PCDHGA1: variants seen among roughly 807,000 people sequenced by gnomAD.
PCDHGA1 encodes protocadherin gamma-A1.
PCDHGA1 carries 32 observed loss-of-function variants against 58.0 expected under a neutral mutation model. The observed-to-expected ratio is 0.55, with a 90% CI of 0.42 to 0.74. The LOEUF (loss-of-function observed/expected upper bound fraction) is 0.74, where lower values mean the gene tolerates loss of function less well. Among genes scored for constraint, PCDHGA1 ranks in the 30% least tolerant of loss-of-function variants. The probability of loss-of-function intolerance (pLI) is 0.00; values close to 1 mark genes in which losing one functional copy is unlikely to be tolerated. For missense variants in PCDHGA1, 1,205 were observed against 1,182.3 expected (o/e 1.02, Z -0.28); for synonymous variants, 498 against 501.1 (o/e 0.99, Z 0.08).
chr5:141,493,560 C>T lies in PCDHGA1; in HGVS notation c.2422-1247C>T, dbSNP rs1222578153. ...TTATCCTTTTGGAGATTGAGTTCCCCCAGCTCCGTTTCCTCCTATCACAAT... is the reference window on the plus strand; with the variant it reads ...TTATCCTTTTGGAGATTGAGTTCCCTCAGCTCCGTTTCCTCCTATCACAAT... On this transcript the variant is annotated intron_variant, in intron 1 of 3. Transcript: ENST00000517417. The surrounding 1 kb of genome is among the most constrained non-coding windows in gnomAD (Gnocchi z 4.3). Among the ~76,000 whole-genome samples, 4 of 152,162 alleles carry T rather than the reference C, an allele frequency of 2.6e-5. No individual in the cohort carries two copies. The highest frequency in any genetic ancestry group is 2.1e-4 in the South Asian group (1 of 4,830).
intron 1 of PCDHGA1, chr5:141,339,267 G>T: frequency 6.2e-7 from 1 of 1,614,258 alleles, no homozygotes. Context: ...TGCGCTCAGA[G>T]CGCACCCTGT....
intron 1 of PCDHGA1, chr5:141,414,379 A>G (rs2095740987): frequency 1.2e-6 from 2 of 1,613,912 alleles, no homozygotes; most frequent in African/African-American, 1.3e-5. Context: ...AGAAAAGTCC[A>G]TTGACAGTTA....
chr5:141,332,334 A>C lies in PCDHGA1; in HGVS notation c.1650A>C (p.Leu550=), dbSNP rs746570276. Residue 550 remains leucine, a synonymous_variant, in exon 1 of 4, where the codon CTA becomes CTC. Coordinates refer to ENST00000517417, the MANE Select transcript of PCDHGA1 (RefSeq NM_018912.3). This position sits in a 1 kb window ranked among gnomAD's most constrained non-coding sequence, Gnocchi z 4.6. ...TCAGCAGCAACGTGTCTCTCAGCCT[A>C]TTCCTGCTGGACCAGAACGACAACG... ...PPLSSNVSLS[L]FLLDQNDNAP... 7.4e-6 allele frequency: 12 copies of C among 1,614,134 alleles called. No individual in the cohort carries two copies. Among genetic ancestry groups the C allele is most frequent in the Non-Finnish European group, 1.0e-5 (12 of 1,180,032 alleles).
At chr5:141,389,281 G>T in intron 1 of PCDHGA1, 2 of 1,614,012 alleles carry the variant, frequency 1.2e-6, no homozygotes, top group Non-Finnish European at 1.7e-6. Context: ...AACCCGCCTG[G>T]AGCCTCTATT....
At chr5:141,428,105 G>T in intron 1 of PCDHGA1, 4 of 1,608,184 alleles carry the variant, frequency 2.5e-6, no homozygotes, top group Non-Finnish European at 2.5e-6. Context: ...ACCACGTGCT[G>T]CAGGCCATCG....
chr5:141,338,923 C>A, intron 1 of PCDHGA1: 2 of 1,513,342 alleles, frequency 1.3e-6, no homozygotes, highest in Non-Finnish European at 1.8e-6. Flanking sequence ...GATTGGAATC[C>A]GCACTGGATG....
Position 141,332,907 on chromosome 5 carries a change from G to C in PCDHGA1, c.2223G>C (p.Val741=), listed in dbSNP as rs760420453. 13 of 1,614,210 alleles carry C rather than the reference G, an allele frequency of 8.1e-6. No homozygotes were observed. The South Asian group carries it at 1.3e-4, about 16-fold the overall frequency. ...GLASMPGSHF[V]GVDGVRAFLQ... ...CGAGCATGCCCGGTTCGCACTTTGT[G>C]GGCGTGGACGGGGTTCGGGCTTTCC... Residue 741 remains valine (V), a synonymous_variant, in exon 1 of 4, where the codon GTG becomes GTC. Coordinates refer to ENST00000517417, the MANE Select transcript of PCDHGA1 (RefSeq NM_018912.3). This position sits in a 1 kb window ranked among gnomAD's most constrained non-coding sequence, Gnocchi z 4.6.
intron 1 of PCDHGA1, chr5:141,374,195 G>T (rs1770254935): frequency 1.2e-6 from 2 of 1,613,752 alleles, no homozygotes; most frequent in East Asian, 2.2e-5. Context: ...TATTCCCGAG[G>T]AGCTGGAGAA....
intron 1 of PCDHGA1, chr5:141,408,952 T>C (rs531696982): frequency 6.2e-7 from 1 of 1,613,544 alleles, no homozygotes; most frequent in African/African-American, 1.3e-5. Context: ...ATAGAATTAG[T>C]CTTAGTGAAA....
intron 1 of PCDHGA1, chr5:141,427,447 T>A (rs556527924): frequency 1.9e-4 from 92 of 483,324 alleles, no homozygotes; most frequent in African/African-American, 1.4e-3. Context: ...AACGAAAGAG[T>A]TCCTTTTAGA....
intron 1 of PCDHGA1, among the ~76,000 whole-genome samples, chr5:141,463,642 G>A (rs573143516): frequency 6.6e-6 from 1 of 151,750 alleles, no homozygotes; most frequent in South Asian, 2.1e-4. Context: ...TAGTAGAGAC[G>A]GGGTTTCACC....
Position 141,408,151 on chromosome 5 carries a change from T to G in PCDHGA1, c.2421+75046T>G, listed in dbSNP as rs2154539780. ...CGAATGCTCTTTTAGCGCGGTAGAG[T>G]GCACTTTCTCCAACTGGAAAAGCGG... On this transcript the variant is annotated intron_variant, in intron 1 of 3. Transcript: ENST00000517417. 3.3e-6 allele frequency: 5 copies of G among 1,506,938 alleles called. No individual in the cohort carries two copies. In the East Asian group the frequency reaches 1.2e-4, roughly 37 times the overall value. 93.3% of individuals were successfully genotyped at this position (1,506,938 alleles called of 1,614,324 possible). A position where few individuals can be genotyped will look rare whatever the true frequency, so the allele number is the denominator to read the frequency against.
chr5:141,341,726 T>G (rs998013835), intron 1 of PCDHGA1: 5 of 461,022 alleles, frequency 1.1e-5, no homozygotes, highest in Non-Finnish European at 1.9e-5. Context: ...GATCAACAAT[T>G]TTTTCTTTGT....
intron 1 of PCDHGA1, among the ~76,000 whole-genome samples, chr5:141,373,589 GTGA>G (rs1348028052): frequency 6.6e-6 from 1 of 152,242 alleles, no homozygotes; most frequent in Non-Finnish European, 1.5e-5. Flanking sequence ...GTGGTGAAAT[GTGA>G]TGATAATTCA....
chr5:141,383,193 G>A, intron 1 of PCDHGA1: 2 of 1,614,066 alleles, frequency 1.2e-6, no homozygotes, highest in Non-Finnish European at 1.7e-6. Flanking sequence ...TCTGCGCTCA[G>A]AGTGCGCGGT....
At chr5:141,426,487 G>A (rs999549044) in intron 1 of PCDHGA1, 2 of 333,788 alleles carry the variant, frequency 6.0e-6, no homozygotes, top group African/African-American at 4.3e-5. Context: ...AAACCTTAGA[G>A]TTAGTGCAGA....
intron 1 of PCDHGA1, chr5:141,365,543 T>C: frequency 6.2e-7 from 1 of 1,613,830 alleles, no homozygotes. Context: ...CTATCACCTA[T>C]TAACAACTAG....
intron 3 of PCDHGA1, among the ~76,000 whole-genome samples, chr5:141,507,893 G>C (rs750472786): frequency 2.2e-4 from 33 of 152,356 alleles, no homozygotes; most frequent in Non-Finnish European, 4.1e-4. Context: ...AGAGGTTCCT[G>C]AAGTCCAGCC....
At chr5:141,413,658 T>G (rs2154544690) in intron 1 of PCDHGA1, 1 of 1,613,860 alleles carries the variant, frequency 6.2e-7, no homozygotes, top group East Asian at 2.2e-5. Flanking sequence ...TCCCGGAAGC[T>G]ATTGATCCGG....
Sources: allele counts gnomAD v4.1 joint callset (sites outside exome capture counted in the v4.1 genomes callset), GRCh38; gene constraint gnomAD v4.1.1; non-coding constraint Gnocchi (gnomAD v3.1); transcripts MANE v1.5; gene names NCBI Gene and HGNC (gene_info 2026-07-23, HGNC 2026-07-21).